The following DLG2 variants were observed in gnomAD, a reference collection of about 807,000 sequenced individuals.
The protein encoded by DLG2 is discs large MAGUK scaffold protein 2.
Under a neutral mutation model 132.5 loss-of-function variants are expected in DLG2, and 45 were observed. That is an observed-to-expected ratio of 0.34 (90% CI 0.27 to 0.44). The LOEUF is 0.44. DLG2 is among the 20% of genes least tolerant of loss of function. The pLI is 1.00. For synonymous variants in DLG2, 424 were observed against 419.6 expected (o/e 1.01, Z -0.13); for missense variants, 1,045 against 1,196.9 (o/e 0.87, Z 1.87).
chr11:84,296,472 G>A (rs971828132), intron 7 of DLG2, among the ~76,000 whole-genome samples: 3 of 152,122 alleles, frequency 2.0e-5, no homozygotes, highest in African/African-American at 7.2e-5. Flanking sequence ...GGTCTTGCCT[G>A]TAACCTAAGC....
Position 84,404,176 on chromosome 11 carries a change from T to C in DLG2, c.519+130394A>G, listed in dbSNP as rs2098840512. On this transcript the variant is annotated intron_variant, in intron 7 of 27. Coordinates refer to ENST00000376104, the MANE Select transcript of DLG2 (RefSeq NM_001142699.3). The stretch of plus-strand genomic sequence containing the variant: ...GGCCTATAGTATTCTACATGATATA[T>C]CTTGGTATGCCGCTCTCATCTAACA... 2.0e-5 allele frequency among the ~76,000 whole-genome samples: 3 copies of C among 152,118 alleles called. No homozygotes were observed. The South Asian group carries it at 6.2e-4, about 32-fold the overall frequency.
chr11:84,871,189 A>G (rs2085405730), intron 6 of DLG2, among the ~76,000 whole-genome samples: 1 of 152,172 alleles, frequency 6.6e-6, no homozygotes, highest in Non-Finnish European at 1.5e-5. Context: ...GCGTATGAGA[A>G]TTTACAGTGG....
chr11:84,332,258 C>CTGGAA (rs2098463743), intron 7 of DLG2, among the ~76,000 whole-genome samples: 1 of 147,826 alleles, frequency 6.8e-6, no homozygotes, highest in Non-Finnish European at 1.5e-5. Context: ...ATCGCCCAGG[C>CTGGAA]TGGAATGCAG....
chr11:85,430,840 T>A (rs1597286349), intron 3 of DLG2, among the ~76,000 whole-genome samples: 4 of 95,508 alleles, frequency 4.2e-5, no homozygotes, highest in Admixed American at 1.1e-4. Flanking sequence ...ATGGAAAAGC[T>A]AGCCAGTCAA....
At chr11:84,858,320 T>C (rs1391288645) in intron 6 of DLG2, among the ~76,000 whole-genome samples, 8 of 151,904 alleles carry the variant, frequency 5.3e-5, no homozygotes, top group African/African-American at 1.9e-4. Flanking sequence ...GCAAGTCTGA[T>C]TTTAAAAAAA....
At chr11:85,084,671 T>A (rs2067674009) in intron 6 of DLG2, among the ~76,000 whole-genome samples, 1 of 152,094 alleles carries the variant, frequency 6.6e-6, no homozygotes, top group South Asian at 2.1e-4. Context: ...CGGTTGCCAT[T>A]TTTGTCATGG....
intron 6 of DLG2, among the ~76,000 whole-genome samples, chr11:84,635,113 A>T (rs778250552): frequency 6.6e-6 from 1 of 152,214 alleles, no homozygotes; most frequent in African/African-American, 2.4e-5. Context: ...AAGCAAAACA[A>T]TAACAACAAA....
At chr11:84,820,186 A>G (rs2077517407) in intron 6 of DLG2, among the ~76,000 whole-genome samples, 1 of 151,776 alleles carries the variant, frequency 6.6e-6, no homozygotes, top group Non-Finnish European at 1.5e-5. Flanking sequence ...ACCTCCCAAG[A>G]TTAAAATCTA....
At position 85,480,225 on chromosome 11, in the gene DLG2, T is replaced by C. The variant is rs7928325; in HGVS notation, c.40+118432A>G. ...GCAGTAAACCTGAAGATAGACATTG[T>C]AATCCAGTAATTCCACAACTATGTA... On this transcript the variant is annotated intron_variant, in intron 3 of 27. Coordinates refer to ENST00000376104, the MANE Select transcript of DLG2 (RefSeq NM_001142699.3). Among the ~76,000 whole-genome samples, 1,487 of 152,360 alleles carry C rather than the reference T, an allele frequency of 9.8e-3. 21 individuals carry two copies. The highest frequency in any genetic ancestry group is 0.032 in the African/African-American group (1,329 of 41,570).
At chr11:85,515,781 T>C (rs933028022) in intron 3 of DLG2, among the ~76,000 whole-genome samples, 2 of 152,000 alleles carry the variant, frequency 1.3e-5, no homozygotes, top group African/African-American at 4.8e-5. Flanking sequence ...TGAGGTTTTA[T>C]GAATCTTCTA....
intron 7 of DLG2, among the ~76,000 whole-genome samples, chr11:84,299,158 C>T (rs2098125667): frequency 6.6e-6 from 1 of 152,048 alleles, no homozygotes; most frequent in Non-Finnish European, 1.5e-5. Flanking sequence ...ATGTTTAATC[C>T]AACATAGACC....
intron 6 of DLG2, among the ~76,000 whole-genome samples, chr11:84,848,739 T>C (rs775259822): frequency 6.6e-6 from 1 of 152,130 alleles, no homozygotes; most frequent in Non-Finnish European, 1.5e-5. Flanking sequence ...GGATGAGACT[T>C]AAGGCTTTGG....
At chr11:84,311,538 C>T (rs2098287126) in intron 7 of DLG2, among the ~76,000 whole-genome samples, 2 of 152,182 alleles carry the variant, frequency 1.3e-5, no homozygotes, top group South Asian at 2.1e-4. Context: ...TTCCAAAGTG[C>T]TTCCCAATAA....
intron 11 of DLG2, among the ~76,000 whole-genome samples, chr11:83,996,126 G>GA (rs537648936): frequency 5.9e-5 from 9 of 151,400 alleles, no homozygotes; most frequent in African/African-American, 1.5e-4. Context: ...ACAACTCTAA[G>GA]AAAAAAAACA....
chr11:84,752,733 T>C (rs1406288935), intron 6 of DLG2, among the ~76,000 whole-genome samples: 3 of 93,166 alleles, frequency 3.2e-5, no homozygotes, highest in Non-Finnish European at 6.0e-5. Flanking sequence ...CCCACCCCAC[T>C]ACAGTCCCCA....
At chr11:85,466,304 CTTTAG>C (rs2092788281) in intron 3 of DLG2, among the ~76,000 whole-genome samples, 1 of 152,190 alleles carries the variant, frequency 6.6e-6, no homozygotes, top group African/African-American at 2.4e-5. Flanking sequence ...TGCAGAAGCT[CTTTAG>C]TTTAATTAGA....
intron 3 of DLG2, among the ~76,000 whole-genome samples, chr11:85,408,936 G>A (rs1182255908): frequency 6.6e-6 from 1 of 151,786 alleles, no homozygotes; most frequent in Non-Finnish European, 1.5e-5. Context: ...TGGGTCAAAT[G>A]GTATTTCTAG....
chr11:84,359,612 TC>T (rs1162108273), intron 7 of DLG2, among the ~76,000 whole-genome samples: 3 of 151,922 alleles, frequency 2.0e-5, no homozygotes, highest in African/African-American at 7.2e-5. Context: ...TTTTAGGAAA[TC>T]CCCAAGCTTC....
chr11:84,296,819 T>C (rs2098095116), intron 7 of DLG2, among the ~76,000 whole-genome samples: 3 of 152,172 alleles, frequency 2.0e-5, no homozygotes, highest in African/African-American at 7.2e-5. Context: ...GGTGAATTGA[T>C]GATTTCCTTC....
Sources: gnomAD v4.1 joint callset for allele counts (sites outside exome capture counted in the v4.1 genomes callset) on GRCh38, gnomAD v4.1.1 for gene constraint, MANE v1.5 for transcripts, NCBI Gene and HGNC (gene_info 2026-07-23, HGNC 2026-07-21) for gene names.